The following CTNNBL1 variants were observed in gnomAD, a reference collection of about 807,000 sequenced individuals.
CTNNBL1 encodes catenin beta like 1, also known as beta-catenin-like protein 1.
A neutral mutation model predicts 72.7 loss-of-function variants in CTNNBL1; 31 were observed. That is an observed-to-expected ratio of 0.43 (90% CI 0.32 to 0.58). The LOEUF (loss-of-function observed/expected upper bound fraction) is 0.58, where lower values mean the gene tolerates loss of function less well. Among genes scored for constraint, CTNNBL1 ranks in the 20% least tolerant of loss-of-function variants. The pLI, the probability that CTNNBL1 is intolerant of heterozygous loss-of-function variation, is 0.08. For synonymous variants in CTNNBL1, 240 were observed against 267.3 expected (o/e 0.90, Z 1.00); for missense variants, 534 against 725.1 (o/e 0.74, Z 3.03).
intron 15 of CTNNBL1, among the ~76,000 whole-genome samples, chr20:37,870,450 G>A (rs531363836): frequency 6.6e-6 from 1 of 152,022 alleles, no homozygotes; most frequent in Admixed American, 6.6e-5. Flanking sequence ...TGGGCTCACT[G>A]TCAGCCTCCC....
intron 1 of CTNNBL1, among the ~76,000 whole-genome samples, chr20:37,699,291 A>G (rs915440731): frequency 1.3e-5 from 2 of 152,214 alleles, no homozygotes; most frequent in Non-Finnish European, 2.9e-5. Context: ...TCATAGTTGG[A>G]GCTCCTAACC....
chr20:37,732,790 C>A, intron 1 of CTNNBL1, 89 bp from the exon 2 acceptor site: 1 of 1,278,514 alleles, frequency 7.8e-7, no homozygotes, highest in Non-Finnish European at 1.1e-6. Context: ...GCCTTGGCCT[C>A]CCAAAGTGCT....
At chr20:37,729,598 G>C (rs753628317) in intron 1 of CTNNBL1, among the ~76,000 whole-genome samples, 1 of 151,816 alleles carries the variant, frequency 6.6e-6, no homozygotes, top group African/African-American at 2.4e-5. Flanking sequence ...TCTCCTTTCC[G>C]TGGAGAACTA....
intron 1 of CTNNBL1, among the ~76,000 whole-genome samples, chr20:37,711,484 T>C (rs928067941): frequency 2.6e-5 from 4 of 151,080 alleles, no homozygotes; most frequent in Admixed American, 2.0e-4. Context: ...AATAAAGTGC[T>C]AAACAGGATA....
At chr20:37,713,263 C>T (rs1370850324) in intron 1 of CTNNBL1, among the ~76,000 whole-genome samples, 40 of 152,170 alleles carry the variant, frequency 2.6e-4, no homozygotes, top group Admixed American at 2.6e-3. Context: ...ATGAAGACTG[C>T]AAATCACTTC....
chr20:37,833,442 T>A (rs769808256), intron 11 of CTNNBL1, among the ~76,000 whole-genome samples: 5 of 152,184 alleles, frequency 3.3e-5, no homozygotes. Flanking sequence ...GCAGGGACTC[T>A]CACTGGCACA....
At chr20:37,770,689 G>GGC (rs1568772566) in intron 7 of CTNNBL1, among the ~76,000 whole-genome samples, 1 of 152,042 alleles carries the variant, frequency 6.6e-6, no homozygotes, top group Non-Finnish European at 1.5e-5. Flanking sequence ...TTGCCACATA[G>GGC]GCACTGCATT....
chr20:37,728,220 A>G (rs569983858), intron 1 of CTNNBL1, among the ~76,000 whole-genome samples: 1 of 152,378 alleles, frequency 6.6e-6, no homozygotes, highest in East Asian at 1.9e-4. Context: ...TGTAAAATAC[A>G]TACCAGATTC....
intron 10 of CTNNBL1, among the ~76,000 whole-genome samples, chr20:37,791,582 T>G (rs1376211337): frequency 6.6e-6 from 1 of 152,222 alleles, no homozygotes; most frequent in African/African-American, 2.4e-5. Flanking sequence ...TTAATAGTTC[T>G]TTATATATTA....
At chr20:37,779,163 CT>C (rs1255797177) in intron 9 of CTNNBL1, 23 bp from the exon 10 acceptor site, 1 of 1,610,504 alleles carries the variant, frequency 6.2e-7, no homozygotes, top group South Asian at 1.1e-5. Context: ...TAGCTCTGTG[CT>C]TTGTGCTGTT....
chr20:37,842,287 T>C lies in CTNNBL1; in HGVS notation c.1312-52T>C. On this transcript the variant is annotated intron_variant, in intron 12 of 15. Coordinates refer to ENST00000361383, the MANE Select transcript of CTNNBL1 (RefSeq NM_030877.5). ...ATGAATAGGAGTGCCACTGTTCTCT[T>C]GCTGTGCGTTGTCTTTCCTTCTCAC... 2.4e-6 allele frequency: 3 copies of C among 1,273,644 alleles called. No individual in the cohort carries two copies. The East Asian group carries it at 6.9e-5, about 29-fold the overall frequency. The allele number at this position is 1,273,644 out of a possible 1,614,324, so 78.9% of individuals were successfully genotyped here. A position where few individuals can be genotyped will look rare whatever the true frequency, so the allele number is the denominator to read the frequency against.
At chr20:37,806,601 T>C (rs757962714) in intron 11 of CTNNBL1, among the ~76,000 whole-genome samples, 6 of 152,192 alleles carry the variant, frequency 3.9e-5, no homozygotes, top group Non-Finnish European at 5.9e-5. Flanking sequence ...GCATGCGCAA[T>C]GGGTAAACAT....
Position 37,756,001 on chromosome 20 carries a change from C to T in CTNNBL1, c.467-1558C>T, listed in dbSNP as rs543603640. Among the ~76,000 whole-genome samples, 148 of 152,334 alleles carry T rather than the reference C, an allele frequency of 9.7e-4. 3 individuals carry two copies. In the South Asian group the frequency reaches 0.03, roughly 31 times the overall value. Reference sequence around the variant, plus strand: ...CTTTTCCACTTCCTTCCCCTCTCCTCCAATCCTTTCTTCTCTTCAAATGCC... The same window carrying T: ...CTTTTCCACTTCCTTCCCCTCTCCTTCAATCCTTTCTTCTCTTCAAATGCC... On this transcript the variant is annotated intron_variant, in intron 4 of 15. Coordinates refer to ENST00000361383, the MANE Select transcript of CTNNBL1 (RefSeq NM_030877.5).
At chr20:37,859,767 A>G (rs2072474356) in intron 13 of CTNNBL1, 132 bp from the exon 14 acceptor site, 2 of 867,836 alleles carry the variant, frequency 2.3e-6, no homozygotes, top group East Asian at 2.6e-5. Context: ...AGACAAATCA[A>G]AAAGATGAGG....
In CTNNBL1 at chr20:37,822,283, G is replaced by A. The variant is rs537830946; in HGVS notation, c.1214-17819G>A. Among the ~76,000 whole-genome samples, 8 of 150,564 alleles carry A rather than the reference G, an allele frequency of 5.3e-5. No individual in the cohort carries two copies. In the South Asian group the frequency reaches 1.7e-3, roughly 31 times the overall value. ...AGATGACATGGCCAGGCTGAGGGGA[G>A]TTATGGAATACTGCTGCCAGCAAGG... On this transcript the variant is annotated intron_variant, in intron 11 of 15. Transcript: ENST00000361383.
intron 3 of CTNNBL1, among the ~76,000 whole-genome samples, chr20:37,740,797 A>C (rs1022550639): frequency 1.3e-5 from 2 of 152,228 alleles, no homozygotes; most frequent in African/African-American, 4.8e-5. Flanking sequence ...AGAGTGAAAA[A>C]GGCAAATGGT....
intron 11 of CTNNBL1, among the ~76,000 whole-genome samples, chr20:37,828,367 A>G (rs2072178792): frequency 6.6e-6 from 1 of 152,060 alleles, no homozygotes; most frequent in Non-Finnish European, 1.5e-5. Context: ...CTTTACTTGC[A>G]TTACTAGTGA....
intron 15 of CTNNBL1, among the ~76,000 whole-genome samples, chr20:37,865,593 G>A (rs558645183): frequency 2.6e-5 from 4 of 152,256 alleles, no homozygotes; most frequent in African/African-American, 7.2e-5. Flanking sequence ...AGGCAGCTAC[G>A]CATGGGCATT....
chr20:37,855,054 T>G (rs1401195964), intron 13 of CTNNBL1, among the ~76,000 whole-genome samples: 1 of 150,152 alleles, frequency 6.7e-6, no homozygotes, highest in Non-Finnish European at 1.5e-5. Flanking sequence ...GCCTAGTATG[T>G]AGTAATCAAT....
Sources: allele counts gnomAD v4.1 joint callset (sites outside exome capture counted in the v4.1 genomes callset), GRCh38; gene constraint gnomAD v4.1.1; transcripts MANE v1.5; gene names NCBI Gene and HGNC (gene_info 2026-07-23, HGNC 2026-07-21).